Variants in NAALADL2 observed in about 807,000 individuals in gnomAD.
The protein encoded by NAALADL2 is inactive N-acetylated-alpha-linked acidic dipeptidase-like protein 2.
A neutral mutation model predicts 87.2 loss-of-function variants in NAALADL2; 76 were observed. The ratio of observed to expected loss-of-function variants is 0.87; its 90% confidence interval spans 0.72 to 1.05. The LOEUF (loss-of-function observed/expected upper bound fraction) is 1.05. Ranked by LOEUF, NAALADL2 falls within the 50% of genes least tolerant of loss-of-function variation. The probability of loss-of-function intolerance (pLI) is 0.00; values close to 1 mark genes in which losing one functional copy is unlikely to be tolerated. For synonymous variants in NAALADL2, 354 were observed against 331.0 expected, an observed-to-expected ratio of 1.07 and a Z score of -0.75; for missense variants, 1,089 against 945.8, an observed-to-expected ratio of 1.15 and a Z score of -1.99.
At chr3:174,514,161 G>C (rs533837749) in intron 1 of NAALADL2, among the ~76,000 whole-genome samples, 2 of 152,194 alleles carry the variant, frequency 1.3e-5, no homozygotes, top group South Asian at 2.1e-4. Context: ...TCACTGTTAA[G>C]ATAATGAATT....
intron 11 of NAALADL2, among the ~76,000 whole-genome samples, chr3:175,667,203 GAA>G (rs1427814728): frequency 4.5e-5 from 5 of 110,246 alleles, no homozygotes; most frequent in African/African-American, 2.4e-4. Flanking sequence ...AAGAAAGAAA[GAA>G]AGAAAGAAAG....
At chr3:174,736,260 G>T (rs989624135) in intron 2 of NAALADL2, among the ~76,000 whole-genome samples, 1 of 152,096 alleles carries the variant, frequency 6.6e-6, no homozygotes, top group Non-Finnish European at 1.5e-5. Flanking sequence ...GCATGTTTCG[G>T]CCCTGTTAGT....
At chr3:175,502,924 CTCT>C (rs987630800) in intron 9 of NAALADL2, among the ~76,000 whole-genome samples, 12 of 124,710 alleles carry the variant, frequency 9.6e-5, no homozygotes, top group African/African-American at 4.9e-4. Flanking sequence ...GATTTTTTTT[CTCT>C]TTTTTTTTTT....
intron 12 of NAALADL2, among the ~76,000 whole-genome samples, chr3:175,750,726 C>A (rs1746522029): frequency 1.3e-5 from 2 of 152,160 alleles, no homozygotes; most frequent in South Asian, 2.1e-4. Flanking sequence ...TCCCTGGACA[C>A]TTGTCAGATC....
chr3:175,596,956 A>G (rs1722325924), intron 10 of NAALADL2, among the ~76,000 whole-genome samples: 1 of 152,018 alleles, frequency 6.6e-6, no homozygotes, highest in African/African-American at 2.4e-5. Context: ...AAGCTAATTT[A>G]GAAGAAAAAA....
intron 1 of NAALADL2, among the ~76,000 whole-genome samples, chr3:175,062,420 G>A (rs753378611): frequency 6.6e-6 from 1 of 151,084 alleles, no homozygotes; most frequent in Admixed American, 6.6e-5. Context: ...CACTTAACTT[G>A]TAATAATGAT....
chr3:175,338,399 C>T (rs1005367362), intron 5 of NAALADL2, among the ~76,000 whole-genome samples: 6 of 151,338 alleles, frequency 4.0e-5, no homozygotes, highest in Middle Eastern at 3.2e-3. Context: ...TGCTGCAGGG[C>T]GGTATAAAAA....
chr3:174,505,122 C>T (rs1719121526), intron 1 of NAALADL2, among the ~76,000 whole-genome samples: 1 of 152,140 alleles, frequency 6.6e-6, no homozygotes, highest in South Asian at 2.1e-4. Flanking sequence ...GATAAGTTGT[C>T]TCAAATAGAG....
chr3:174,646,256 A>G (rs1396537570), intron 2 of NAALADL2, among the ~76,000 whole-genome samples: 2 of 152,166 alleles, frequency 1.3e-5, no homozygotes, highest in African/African-American at 4.8e-5. Context: ...TAGTTCTGGT[A>G]TGGCTTTGAA....
intron 6 of NAALADL2, among the ~76,000 whole-genome samples, chr3:175,456,422 A>G (rs1450904950): frequency 6.6e-6 from 1 of 152,042 alleles, no homozygotes; most frequent in Non-Finnish European, 1.5e-5. Context: ...GAAAGGCAGA[A>G]ATTGGTAAAT....
chr3:175,654,556 G>C (rs1182290475), intron 11 of NAALADL2, among the ~76,000 whole-genome samples: 1 of 152,060 alleles, frequency 6.6e-6, no homozygotes, highest in African/African-American at 2.4e-5. Context: ...CTTTCTTGTA[G>C]CAATCCTGCA....
At chr3:174,563,773 C>T (rs1248449321) in intron 2 of NAALADL2, among the ~76,000 whole-genome samples, 1 of 152,074 alleles carries the variant, frequency 6.6e-6, no homozygotes, top group Non-Finnish European at 1.5e-5. Flanking sequence ...GGTGATCTGT[C>T]TTCATATGTT....
chr3:175,498,261 G>C (rs1729090689), intron 9 of NAALADL2, among the ~76,000 whole-genome samples: 2 of 152,184 alleles, frequency 1.3e-5, no homozygotes, highest in South Asian at 4.1e-4. Flanking sequence ...AGTGAGAAAG[G>C]TCAGAGTAGA....
chr3:175,496,298 A>G (rs115487834), intron 9 of NAALADL2, among the ~76,000 whole-genome samples: 4,906 of 152,074 alleles, frequency 0.032, 285 homozygotes, highest in African/African-American at 0.11. Context: ...ATATTTTGCT[A>G]TTGTTTGTGA....
chr3:174,533,761 AT>A (rs935502887), intron 1 of NAALADL2, among the ~76,000 whole-genome samples: 4 of 152,200 alleles, frequency 2.6e-5, no homozygotes, highest in African/African-American at 9.7e-5. Flanking sequence ...GTAGTTGACA[AT>A]AAAGCATCAT....
rs1239664371 is a variant in NAALADL2, at chr3:174,470,070, G to A, written c.-184+29038G>A. Among the ~76,000 whole-genome samples the A allele has an allele frequency of 3.3e-4, 45 of 134,474 alleles. 1 individual carries two copies. The Admixed American group carries it at 3.6e-3, about 11-fold the overall frequency. 88.2% of individuals were successfully genotyped at this position (134,474 alleles called of 152,430 possible). A position where few individuals can be genotyped will look rare whatever the true frequency, so the allele number is the denominator to read the frequency against. ...GAAAATTCTAAATTGTACTCAGTTA[G>A]TTACAGTGTTCTTAACACTACTATA... On this transcript the variant is annotated intron_variant, in intron 1 of 3. Coordinates refer to the NAALADL2 transcript ENST00000434257.
intron 4 of NAALADL2, among the ~76,000 whole-genome samples, chr3:175,280,452 A>G (rs1459470934): frequency 6.6e-6 from 1 of 152,126 alleles, no homozygotes; most frequent in East Asian, 1.9e-4. Flanking sequence ...CTCCTCAACT[A>G]CATTATACAT....
chr3:174,658,160 G>T (rs191583597), intron 2 of NAALADL2, among the ~76,000 whole-genome samples: 2 of 151,982 alleles, frequency 1.3e-5, no homozygotes, highest in Admixed American at 6.6e-5. Context: ...TGGATTGTAC[G>T]GTAAGAGCAT....
At chr3:175,116,281 G>A (rs1725147179) in intron 2 of NAALADL2, among the ~76,000 whole-genome samples, 1 of 151,992 alleles carries the variant, frequency 6.6e-6, no homozygotes, top group African/African-American at 2.4e-5. Flanking sequence ...TAGGAAAAGA[G>A]GAAGTCAAAT....
Sources: allele counts gnomAD v4.1 joint callset (sites outside exome capture counted in the v4.1 genomes callset), GRCh38; gene constraint gnomAD v4.1.1; transcripts MANE v1.5; gene names NCBI Gene and HGNC (gene_info 2026-07-23, HGNC 2026-07-21).